Variants in ATG16L1 observed in about 807,000 individuals in gnomAD.
ATG16L1 encodes autophagy related 16 like 1, also known as autophagy-related protein 16-1.
A neutral mutation model predicts 88.5 loss-of-function variants in ATG16L1; 37 were observed. That is an observed-to-expected ratio of 0.42 (90% CI 0.32 to 0.55). ATG16L1 has a LOEUF of 0.55. ATG16L1 is among the 20% of genes least tolerant of loss of function. The probability of loss-of-function intolerance (pLI) is 0.13; values close to 1 mark genes in which losing one functional copy is unlikely to be tolerated. For missense variants in ATG16L1, 554 were observed against 752.8 expected, an observed-to-expected ratio of 0.74 and a Z score of 3.09; for synonymous variants, 301 against 281.0, an observed-to-expected ratio of 1.07 and a Z score of -0.71.
intron 1 of ATG16L1, among the ~76,000 whole-genome samples, chr2:233,253,332 G>GTTTTTTTTTTTTTTTTTTTTTTTTT (rs570754671): frequency 8.9e-6 from 1 of 112,890 alleles, no homozygotes; most frequent in Non-Finnish European, 1.8e-5. Context: ...GTGAGACTGG[G>GTTTTTTTTTTTTTTTTTTTTTTTTT]TTTTTTTGTT....
intron 1 of ATG16L1, among the ~76,000 whole-genome samples, chr2:233,254,424 C>G (rs1696634285): frequency 6.6e-6 from 1 of 152,172 alleles, no homozygotes; most frequent in South Asian, 2.1e-4. Flanking sequence ...TCATTCCAGC[C>G]TTCCCAGGCC....
intron 12 of ATG16L1, among the ~76,000 whole-genome samples, chr2:233,284,642 A>AT (rs1213221056): frequency 1.9e-4 from 29 of 151,826 alleles, no homozygotes; most frequent in African/African-American, 6.8e-4. Context: ...CAATTTTTGT[A>AT]TTTTTTTAGT....
chr2:233,277,739 A>G (rs945723568), intron 10 of ATG16L1, 66 bp downstream of exon 10: 1 of 1,417,514 alleles, frequency 7.1e-7, no homozygotes, highest in East Asian at 2.3e-5. Flanking sequence ...CTGCAGAAAG[A>G]AGCTGTGTTG....
At chr2:233,253,182 C>A (rs1361599908) in intron 1 of ATG16L1, among the ~76,000 whole-genome samples, 1 of 152,032 alleles carries the variant, frequency 6.6e-6, no homozygotes, top group Non-Finnish European at 1.5e-5. Context: ...AATTTTAGTA[C>A]TGTGGTAAGT....
rs368757324 is a variant in ATG16L1 at position 233,260,185 on chromosome 2, G to T, written c.210-2945G>T. 3.9e-4 allele frequency among the ~76,000 whole-genome samples: 60 copies of T among 152,338 alleles called. 1 individual carries two copies. The South Asian group carries it at 0.012, about 30-fold the overall frequency. On this transcript the variant is annotated intron_variant, in intron 2 of 17. Coordinates refer to ENST00000392017, the MANE Select transcript of ATG16L1 (RefSeq NM_030803.7). ...TGTGCTTAAATAGTGATCTGCATCA[G>T]TTATCAGACTTTCTCTTAAGTATTT...
At chr2:233,284,164 T>G (rs1039296667) in intron 12 of ATG16L1, among the ~76,000 whole-genome samples, 1 of 151,210 alleles carries the variant, frequency 6.6e-6, no homozygotes, top group Non-Finnish European at 1.5e-5. Context: ...TTTTCTTTTT[T>G]TTTTTTCTGA....
intron 2 of ATG16L1, among the ~76,000 whole-genome samples, chr2:233,257,275 C>T (rs982678349): frequency 9.9e-5 from 15 of 151,980 alleles, no homozygotes; most frequent in Admixed American, 5.9e-4. Flanking sequence ...GTGATCCGCC[C>T]GCCTCGGCCT....
intron 12 of ATG16L1, among the ~76,000 whole-genome samples, chr2:233,288,409 G>A (rs1269159137): frequency 2.0e-5 from 3 of 152,014 alleles, no homozygotes; most frequent in Non-Finnish European, 2.9e-5. Flanking sequence ...AGCCTCCCCT[G>A]TAACAGCTGA....
At chr2:233,271,635 C>T (rs1574866629) in intron 6 of ATG16L1, among the ~76,000 whole-genome samples, 1 of 152,342 alleles carries the variant, frequency 6.6e-6, no homozygotes, top group East Asian at 1.9e-4. Flanking sequence ...AGAGGACATA[C>T]ATCTTTGAAA....
At chr2:233,282,878 C>A in intron 12 of ATG16L1, 125 bp downstream of exon 12, 1 of 756,278 alleles carries the variant, frequency 1.3e-6, no homozygotes, top group Non-Finnish European at 2.3e-6. Flanking sequence ...TTCACCCTGC[C>A]CTTCCTTTCC....
At chr2:233,258,047 ATATC>A (rs1696939384) in intron 2 of ATG16L1, among the ~76,000 whole-genome samples, 2 of 148,040 alleles carry the variant, frequency 1.4e-5, no homozygotes, top group South Asian at 4.3e-4. Flanking sequence ...CTATATATCT[ATATC>A]TATCTCTTGG....
At chr2:233,273,099 T>C (rs1435044424) in intron 7 of ATG16L1, 47 bp downstream of exon 7, 2 of 1,468,574 alleles carry the variant, frequency 1.4e-6, no homozygotes, top group Admixed American at 3.4e-5. Flanking sequence ...TGAGGAGCAA[T>C]ATGAAGGCAC....
At chr2:233,262,652 GAGAAACCCTCCTCAATT>G (rs1324216601) in intron 2 of ATG16L1, among the ~76,000 whole-genome samples, 5 of 152,144 alleles carry the variant, frequency 3.3e-5, no homozygotes, top group Admixed American at 2.0e-4. Flanking sequence ...TGTCACGTAG[GAGAAACCCTCCTCAATT>G]ACGTTAAAAT....
At position 233,273,035 on chromosome 2, in the gene ATG16L1, C is replaced by T; in HGVS notation, c.777C>T (p.Ala259=). The change falls in exon 7 of 18, where the codon GCC becomes GCT. Residue 259 remains alanine, a synonymous_variant. Transcript: ENST00000392017. Reference sequence around the variant, plus strand: ...CAGAAGAGACCTCTCCTGTGCGAGCCATCAGCAGAGCAGCCACGTAAGTAG... The same window carrying T: ...CAGAAGAGACCTCTCCTGTGCGAGCTATCAGCAGAGCAGCCACGTAAGTAG... The part of the protein sequence containing the change: ...DHTEETSPVR[A]ISRAATKRLS... The T allele has an allele frequency of 1.9e-6, 3 of 1,613,972 alleles. No individual in the cohort carries two copies. Among genetic ancestry groups the T allele is most frequent in the Non-Finnish European group, 2.5e-6 (3 of 1,179,906 alleles).
chr2:233,257,092 C>T (rs370625278), intron 2 of ATG16L1, among the ~76,000 whole-genome samples: 237 of 149,636 alleles, frequency 1.6e-3, no homozygotes, highest in African/African-American at 2.1e-3. Context: ...TGCAGTGGCG[C>T]GTTCTGGGCT....
At chr2:233,293,482 T>C in intron 17 of ATG16L1, 125 bp downstream of exon 17, 1 of 848,708 alleles carries the variant, frequency 1.2e-6, no homozygotes, top group Non-Finnish European at 1.9e-6. Context: ...CCTGCTCGGC[T>C]GGCTGAGCTA....
chr2:233,275,529 T>G, intron 9 of ATG16L1: 1 of 349,546 alleles, frequency 2.9e-6, no homozygotes, highest in African/African-American at 2.1e-5. Flanking sequence ...GGGATGGAAT[T>G]TATATGGTGG....
At chr2:233,264,618 T>C (rs1021930641) in intron 4 of ATG16L1, among the ~76,000 whole-genome samples, 1 of 152,110 alleles carries the variant, frequency 6.6e-6, no homozygotes, top group African/African-American at 2.4e-5. Context: ...GCTGGTGAAA[T>C]ATATACGGTT....
At chr2:233,263,697 T>A (rs889284382) in intron 3 of ATG16L1, among the ~76,000 whole-genome samples, 3 of 152,172 alleles carry the variant, frequency 2.0e-5, no homozygotes, top group South Asian at 4.1e-4. Context: ...TACAGCTGAA[T>A]TGATTATCTT....
Sources: gnomAD v4.1 joint callset for allele counts (sites outside exome capture counted in the v4.1 genomes callset) on GRCh38, gnomAD v4.1.1 for gene constraint, MANE v1.5 for transcripts, NCBI Gene and HGNC (gene_info 2026-07-23, HGNC 2026-07-21) for gene names.